Variants in RAC3 observed in about 807,000 individuals in gnomAD.
The protein encoded by RAC3 is ras-related C3 botulinum toxin substrate 3.
Under a neutral mutation model 19.0 loss-of-function variants are expected in RAC3, and 9 were observed. The observed-to-expected ratio is 0.47, with a 90% CI of 0.29 to 0.83. The LOEUF is 0.83. RAC3 is among the 40% of genes least tolerant of loss of function. RAC3 has a pLI of 0.09. For synonymous variants in RAC3, 146 were observed against 111.8 expected (o/e 1.31, Z -1.93); for missense variants, 203 against 260.8 (o/e 0.78, Z 1.53).
In RAC3 at chr17:82,032,760, T is replaced by A; in HGVS notation, c.157T>A (p.Leu53Met). ...NVMVDGKPVN[L>M]GLWDTAGQED... ...GATGGTGGACGGGAAACCAGTCAACTTGGGGCTGTGGGACACAGCGGGTCA... is the reference window on the plus strand; with the variant it reads ...GATGGTGGACGGGAAACCAGTCAACATGGGGCTGTGGGACACAGCGGGTCA... Residue 53 changes from leucine (L) to methionine (M), a missense_variant, in exon 3 of 6, where the codon TTG (leucine) becomes ATG (methionine). By Grantham distance (15) the Leu-to-Met change is conservative. Coordinates refer to ENST00000306897, the MANE Select transcript of RAC3 (RefSeq NM_005052.3). 6.2e-7 allele frequency: 1 copy of A among 1,613,148 alleles called. No homozygotes were observed.
In RAC3 at chr17:82,033,878, G is replaced by C. The variant is rs1364242800; in HGVS notation, c.*49G>C. ...GGGCTGGCGGGGAGCAGCCCTGGAC[G>C]TGTCCGCTGTTGTGTTGAGACGTGT... On this transcript the variant is annotated 3_prime_UTR_variant, in exon 6 of 6. Coordinates refer to ENST00000306897, the MANE Select transcript of RAC3 (RefSeq NM_005052.3). This position sits in a 1 kb window ranked among gnomAD's most constrained non-coding sequence, Gnocchi z 6.2. 2 of 1,543,294 alleles carry C rather than the reference G, an allele frequency of 1.3e-6. No homozygotes were observed. Among genetic ancestry groups the C allele is most frequent in the South Asian group, 1.2e-5 (1 of 84,368 alleles).
In RAC3 at chr17:82,032,299, G is replaced by T; in HGVS notation, c.36-88G>T. ...TCTCGACCCCAGACGCCCCTAACTC[G>T]CCTCTGGCTCCGGGAGAGGGGGCTG... On this transcript the variant is annotated intron_variant, in intron 1 of 5. Coordinates refer to ENST00000306897, the MANE Select transcript of RAC3 (RefSeq NM_005052.3). 9.6e-6 allele frequency: 13 copies of T among 1,355,354 alleles called. No homozygotes were observed. The South Asian group carries it at 1.6e-4, about 17-fold the overall frequency. 84.0% of individuals were successfully genotyped at this position (1,355,354 alleles called of 1,614,324 possible). A position where few individuals can be genotyped will look rare whatever the true frequency, so the allele number is the denominator to read the frequency against.
At position 82,032,460 on chromosome 17, in the gene RAC3, T is replaced by C. The variant is rs1018963209; in HGVS notation, c.107+2T>C. ...CCCCGGAGAGTACATCCCCACCGTG[T>C]GAGTGTGGGGGCTTCCCGGGAGAGC... On this transcript the variant is annotated splice_donor_variant, in intron 2 of 5. Coordinates refer to ENST00000306897, the MANE Select transcript of RAC3 (RefSeq NM_005052.3). LOFTEE classifies it high-confidence loss of function. 2 of 1,612,514 alleles carry C rather than the reference T, an allele frequency of 1.2e-6. No individual in the cohort carries two copies. The highest frequency in any genetic ancestry group is 1.7e-6 in the Non-Finnish European group (2 of 1,179,658).
rs1568019896 is a variant in RAC3 at position 82,034,038 on chromosome 17, C to CGGA, written c.*212_*214dup. 2.8e-6 allele frequency: 1 copy of CGGA among 355,950 alleles called. No individual in the cohort carries two copies. The highest frequency in any genetic ancestry group is 4.3e-6 in the Non-Finnish European group (1 of 232,960). 22.0% of individuals were successfully genotyped at this position (355,950 alleles called of 1,614,324 possible). ...GGCTCCAGCCTTCCCTGGCCCCCGCCGGAGGCCGGGAGGGAGCAGGGTCTC... is the reference window on the plus strand; with the variant it reads ...GGCTCCAGCCTTCCCTGGCCCCCGCCGGAGGAGGCCGGGAGGGAGCAGGGTCTC... On this transcript the variant is annotated 3_prime_UTR_variant, in exon 6 of 6. Coordinates refer to ENST00000306897, the MANE Select transcript of RAC3 (RefSeq NM_005052.3).
Position 82,033,633 on chromosome 17 carries a change from T to C in RAC3, c.448+34T>C, listed in dbSNP as rs377189346. On this transcript the variant is annotated intron_variant, in intron 5 of 5. Transcript: ENST00000306897. The surrounding 1 kb of genome is among the most constrained non-coding windows in gnomAD (Gnocchi z 6.2). ...GCGCTGGCGGCCTGCAGGGGAGGGGTGGGGAGGCGCAGTAAGGGCCTCCCT... is the reference window on the plus strand; with the variant it reads ...GCGCTGGCGGCCTGCAGGGGAGGGGCGGGGAGGCGCAGTAAGGGCCTCCCT... The C allele has an allele frequency of 6.2e-5, 100 of 1,600,900 alleles. No homozygotes were observed. The African/African-American group carries it at 1.1e-3, about 18-fold the overall frequency.
chr17:82,034,026 C>T lies in RAC3; in HGVS notation c.*197C>T. 1 of 614,370 alleles carries T rather than the reference C, an allele frequency of 1.6e-6. No individual in the cohort carries two copies. The highest frequency in any genetic ancestry group is 2.5e-6 in the Non-Finnish European group (1 of 399,260). The allele number at this position is 614,370 out of a possible 1,614,324, so 38.1% of individuals were successfully genotyped here. A position where few individuals can be genotyped will look rare whatever the true frequency, so the allele number is the denominator to read the frequency against. On this transcript the variant is annotated 3_prime_UTR_variant, in exon 6 of 6. Coordinates refer to ENST00000306897, the MANE Select transcript of RAC3 (RefSeq NM_005052.3). Reference sequence around the variant, plus strand: ...ATTCTGGGGTGTGGCTCCAGCCTTCCCTGGCCCCCGCCGGAGGCCGGGAGG... The same window carrying T: ...ATTCTGGGGTGTGGCTCCAGCCTTCTCTGGCCCCCGCCGGAGGCCGGGAGG...
In RAC3 at chr17:82,032,778, G is replaced by A; in HGVS notation, c.175G>A (p.Ala59Thr). Residue 59 changes from alanine (A) to threonine (T), a missense_variant, in exon 3 of 6, where the codon GCG becomes ACG. By Grantham distance (58) the Ala-to-Thr change is moderately conservative. This residue lies in a region of RAC3 where 12 missense variants were observed against 35.2 expected (regional missense o/e 0.34). Coordinates refer to ENST00000306897, the MANE Select transcript of RAC3 (RefSeq NM_005052.3). Reference protein sequence around the residue: ...KPVNLGLWDTAGQEDYDRLRP... With the variant: ...KPVNLGLWDTTGQEDYDRLRP... ...AGTCAACTTGGGGCTGTGGGACACA[G>A]CGGGTCAGGAGGACTACGATCGGCT... The A allele has an allele frequency of 6.2e-7, 1 of 1,613,168 alleles. No individual in the cohort carries two copies. Among genetic ancestry groups the A allele is most frequent in the Non-Finnish European group, 8.5e-7 (1 of 1,180,010 alleles).
rs2043444218 is a variant in RAC3 at position 82,032,828 on chromosome 17, T to C, written c.225T>C (p.Thr75=). Residue 75 remains threonine, a splice_region_variant and synonymous_variant, in exon 3 of 6, where the codon ACT becomes ACC. Coordinates refer to ENST00000306897, the MANE Select transcript of RAC3 (RefSeq NM_005052.3). The part of the protein sequence containing the change: ...DRLRPLSYPQ[T]DVFLICFSLV... Reference sequence around the variant, plus strand: ...TGCGGCCACTCTCCTACCCCCAAACTGTACGTAACAATGGGGCCAGCCCCG... The same window carrying C: ...TGCGGCCACTCTCCTACCCCCAAACCGTACGTAACAATGGGGCCAGCCCCG... The C allele has an allele frequency of 1.2e-6, 2 of 1,612,776 alleles. No homozygotes were observed. Among genetic ancestry groups the C allele is most frequent in the Non-Finnish European group, 8.5e-7 (1 of 1,179,808 alleles).
In RAC3 at chr17:82,033,311, C is replaced by A. The variant is rs1017704964; in HGVS notation, c.289-129C>A. On this transcript the variant is annotated intron_variant, in intron 4 of 5. Transcript: ENST00000306897. The surrounding 1 kb of genome is among the most constrained non-coding windows in gnomAD (Gnocchi z 6.2). ...TCCCCACCAAATCCGCCCCTGGTCACCCCTTGAAGGAAGAAGAGCCAAGTG... is the reference window on the plus strand; with the variant it reads ...TCCCCACCAAATCCGCCCCTGGTCAACCCTTGAAGGAAGAAGAGCCAAGTG... The A allele has an allele frequency of 5.1e-6, 6 of 1,165,432 alleles. No individual in the cohort carries two copies. The African/African-American group carries it at 6.2e-5, about 12-fold the overall frequency. The allele number at this position is 1,165,432 out of a possible 1,614,324, so 72.2% of individuals were successfully genotyped here. A position where few individuals can be genotyped will look rare whatever the true frequency, so the allele number is the denominator to read the frequency against.
rs2043443525 is a variant in RAC3, at chr17:82,032,753, A to C, written c.150A>C (p.Pro50=). The C allele has an allele frequency of 1.2e-6, 2 of 1,613,016 alleles. No individual in the cohort carries two copies. The highest frequency in any genetic ancestry group is 3.3e-5 in the Admixed American group (2 of 60,010). ...YSANVMVDGK[P]VNLGLWDTAG... ...CCAACGTGATGGTGGACGGGAAACC[A>C]GTCAACTTGGGGCTGTGGGACACAG... Residue 50 remains proline (P), a synonymous_variant, in exon 3 of 6, where the codon CCA becomes CCC. Coordinates refer to ENST00000306897, the MANE Select transcript of RAC3 (RefSeq NM_005052.3).
intron 2 of RAC3, 118 bp downstream of exon 2, chr17:82,032,576 C>A (rs2043441612): frequency 1.4e-6 from 2 of 1,450,798 alleles, no homozygotes; most frequent in East Asian, 2.3e-5. Flanking sequence ...TGTCTCTGGG[C>A]TTCCCGGCTG....
intron 3 of RAC3, 21 bp downstream of exon 3, chr17:82,032,849 C>T (rs750923962): frequency 8.1e-6 from 13 of 1,611,618 alleles, no homozygotes; most frequent in Admixed American, 3.3e-5. Flanking sequence ...ATGGGGCCAG[C>T]CCCGGGAGCT....
At chr17:82,032,512 G>T (rs2043440977) in intron 2 of RAC3, 54 bp downstream of exon 2, 9 of 1,581,384 alleles carry the variant, frequency 5.7e-6, no homozygotes, top group South Asian at 1.1e-5. Flanking sequence ...AGTGTGGCAT[G>T]GGGGGGACAC....
chr17:82,033,072 T>G lies in RAC3; in HGVS notation c.288+63T>G. 6.6e-7 allele frequency: 1 copy of G among 1,523,692 alleles called. No homozygotes were observed. The allele number at this position is 1,523,692 out of a possible 1,614,324, so 94.4% of individuals were successfully genotyped here. A position where few individuals can be genotyped will look rare whatever the true frequency, so the allele number is the denominator to read the frequency against. On this transcript the variant is annotated intron_variant, in intron 4 of 5. Transcript: ENST00000306897. The surrounding 1 kb of genome is among the most constrained non-coding windows in gnomAD (Gnocchi z 6.2). Reference sequence around the variant, plus strand: ...TGCCCCAGTACCTGCCCCGACAAGTTGTCCTTTAGAGGCAATTGCGATACG... The same window carrying G: ...TGCCCCAGTACCTGCCCCGACAAGTGGTCCTTTAGAGGCAATTGCGATACG...
In RAC3 at chr17:82,031,789, G is replaced by C; in HGVS notation, c.28G>C (p.Gly10Arg). The change falls in exon 1 of 6, where the codon GGC becomes CGC. Residue 10 changes from glycine (G) to arginine (R), a missense_variant. Physicochemically the swap from Gly to Arg is moderately radical, Grantham distance 125 (BLOSUM62 -2). Transcript: ENST00000306897. ...GCAGGCCATCAAGTGCGTGGTGGTC[G>C]GCGACGGGTGAGTGCGCGGCCCGGA... MQAIKCVVVGDGAVGKTCLL... is the reference protein window; with the variant it reads MQAIKCVVVRDGAVGKTCLL... 1 of 998,396 alleles carries C rather than the reference G, an allele frequency of 1.0e-6. No individual in the cohort carries two copies. Among genetic ancestry groups the C allele is most frequent in the Non-Finnish European group, 1.2e-6 (1 of 840,430 alleles). 61.8% of individuals were successfully genotyped at this position (998,396 alleles called of 1,614,324 possible). A position where few individuals can be genotyped will look rare whatever the true frequency, so the allele number is the denominator to read the frequency against.
At position 82,033,909 on chromosome 17, in the gene RAC3, C is replaced by T; in HGVS notation, c.*80C>T. ...GCTGTTGTGTTGAGACGTGTGGTGTCCCTGAGTCGGCTGTGGGGAGCGGTG... is the reference window on the plus strand; with the variant it reads ...GCTGTTGTGTTGAGACGTGTGGTGTTCCTGAGTCGGCTGTGGGGAGCGGTG... On this transcript the variant is annotated 3_prime_UTR_variant, in exon 6 of 6. Transcript: ENST00000306897. The surrounding 1 kb of genome is among the most constrained non-coding windows in gnomAD (Gnocchi z 6.2). 1 of 1,493,232 alleles carries T rather than the reference C, an allele frequency of 6.7e-7. No individual in the cohort carries two copies. The highest frequency in any genetic ancestry group is 1.3e-5 in the South Asian group (1 of 79,052). The allele number at this position is 1,493,232 out of a possible 1,614,324, so 92.5% of individuals were successfully genotyped here. A position where few individuals can be genotyped will look rare whatever the true frequency, so the allele number is the denominator to read the frequency against.
intron 1 of RAC3, 35 bp downstream of exon 1, chr17:82,031,831 T>TGGGCG (rs1477826219): frequency 8.7e-5 from 11 of 126,370 alleles, no homozygotes; most frequent in Non-Finnish European, 1.7e-4. Context: ...TTGGCTGGGC[T>TGGGCG]GGGCGGGAGG....
intron 1 of RAC3, 169 bp from the exon 2 acceptor site, chr17:82,032,218 T>C: frequency 1.6e-6 from 1 of 637,492 alleles, no homozygotes; most frequent in Non-Finnish European, 2.7e-6. Flanking sequence ...GAGCCCGGCC[T>C]GCCCAGGTCG....
In RAC3 at chr17:82,033,316, T is replaced by G; in HGVS notation, c.289-124T>G. 2 of 1,198,078 alleles carry G rather than the reference T, an allele frequency of 1.7e-6. No individual in the cohort carries two copies. The highest frequency in any genetic ancestry group is 2.3e-6 in the Non-Finnish European group (2 of 880,692). 74.2% of individuals were successfully genotyped at this position (1,198,078 alleles called of 1,614,324 possible). A position where few individuals can be genotyped will look rare whatever the true frequency, so the allele number is the denominator to read the frequency against. On this transcript the variant is annotated intron_variant, in intron 4 of 5. Coordinates refer to ENST00000306897, the MANE Select transcript of RAC3 (RefSeq NM_005052.3). The surrounding 1 kb of genome is among the most constrained non-coding windows in gnomAD (Gnocchi z 6.2). ...ACCAAATCCGCCCCTGGTCACCCCT[T>G]GAAGGAAGAAGAGCCAAGTGTAGCT...
Sources: allele counts gnomAD v4.1 joint callset, GRCh38; gene constraint gnomAD v4.1.1; regional missense constraint gnomAD v4.1.1; non-coding constraint Gnocchi (gnomAD v3.1); transcripts MANE v1.5; gene names NCBI Gene and HGNC (gene_info 2026-07-23, HGNC 2026-07-21).